The following NOTCH1 variants were observed in gnomAD, a reference collection of about 807,000 sequenced individuals.
The protein encoded by NOTCH1 is neurogenic locus notch homolog protein 1.
A neutral mutation model predicts 254.8 loss-of-function variants in NOTCH1; 37 were observed. The ratio of observed to expected loss-of-function variants is 0.15; its 90% CI spans 0.11 to 0.19. The LOEUF (loss-of-function observed/expected upper bound fraction) is 0.19, where lower values mean the gene tolerates loss of function less well. Among genes scored for constraint, NOTCH1 ranks in the 10% least tolerant of loss-of-function variants. The probability of loss-of-function intolerance (pLI) is 1.00; values close to 1 mark genes in which losing one functional copy is unlikely to be tolerated. For synonymous variants in NOTCH1, 1,731 were observed against 1,618.1 expected, an observed-to-expected ratio of 1.07 and a Z score of -1.68; for missense variants, 2,972 against 3,708.6, an observed-to-expected ratio of 0.80 and a Z score of 5.16.
Position 136,507,899 on chromosome 9 carries a change from T to C in NOTCH1, c.3510+56A>G, listed in dbSNP as rs1033307853. On this transcript the variant is annotated intron_variant, in intron 21 of 33. Coordinates refer to ENST00000651671, the MANE Select transcript of NOTCH1 (RefSeq NM_017617.5). ...ACTGGGCCAGCTCCCAGCCAGGGCC[T>C]GGTGTGTGGCAACACTCGTGCCGGC... 179 of 1,574,810 alleles carry C rather than the reference T, an allele frequency of 1.1e-4. 3 individuals are homozygous for C. Among genetic ancestry groups the C allele is most frequent in the South Asian group, 2.3e-4 (21 of 90,368 alleles).
rs1000318864 is a variant in NOTCH1 at position 136,540,337 on chromosome 9, T to C, written c.140+3687A>G. 6.6e-5 allele frequency among the ~76,000 whole-genome samples: 10 copies of C among 152,076 alleles called. No homozygotes were observed. The highest frequency in any genetic ancestry group is 1.5e-5 in the Non-Finnish European group (1 of 68,000). On this transcript the variant is annotated intron_variant, in intron 2 of 33. Transcript: ENST00000651671. The surrounding 1 kb of genome is among the most constrained non-coding windows in gnomAD (Gnocchi z 4.4). Reference sequence around the variant, plus strand: ...ACGTGTCTGTGAACTGGAGCCACCCTGGGAGATGGACTTCCCCGGAGCTGG... The same window carrying C: ...ACGTGTCTGTGAACTGGAGCCACCCCGGGAGATGGACTTCCCCGGAGCTGG...
chr9:136,505,589 G>A lies in NOTCH1; in HGVS notation c.4307C>T (p.Ala1436Val), dbSNP rs371303106. 43 of 1,610,520 alleles carry A rather than the reference G, an allele frequency of 2.7e-5. No individual in the cohort carries two copies. Among genetic ancestry groups the A allele is most frequent in the Non-Finnish European group, 3.4e-5 (40 of 1,178,938 alleles). Residue 1436 changes from alanine (A) to valine (V), a missense_variant, in exon 25 of 34, where the codon GCC becomes GTC. Ala to Val is a moderately conservative substitution (Grantham distance 64). Around this residue, in one of 8 missense-constraint regions of NOTCH1, gnomAD observed 1,343 missense variants for 1,557.0 expected, o/e 0.86. Transcript: ENST00000651671. ...CAGCGGCGGGGGGATGTCGCGCCCG[G>A]CCCCACCCCCGAAGCTGTAGTCCAG... ...HILDYSFGGG[A>V]GRDIPPPLIE...
At chr9:136,544,672 G>A (rs1422523877) in intron 1 of NOTCH1, among the ~76,000 whole-genome samples, 3 of 152,080 alleles carry the variant, frequency 2.0e-5, no homozygotes, top group African/African-American at 7.2e-5. Context: ...AATCAGAGCG[G>A]CCCATTGTGG....
In NOTCH1 at chr9:136,508,759, G is replaced by C. The variant is rs559456386; in HGVS notation, c.3171+111C>G. The C allele has an allele frequency of 3.5e-4, 391 of 1,125,076 alleles. No homozygotes were observed. The African/African-American group carries it at 4.7e-3, about 14-fold the overall frequency. The allele number at this position is 1,125,076 out of a possible 1,614,324, so 69.7% of individuals were successfully genotyped here. A position where few individuals can be genotyped will look rare whatever the true frequency, so the allele number is the denominator to read the frequency against. On this transcript the variant is annotated intron_variant, in intron 19 of 33. Coordinates refer to ENST00000651671, the MANE Select transcript of NOTCH1 (RefSeq NM_017617.5). ...AGAAACCCTCTGCCCGGGGGTGTGG[G>C]GGTGACCCCGAGCCGACACAGTGGG... is the stretch of plus-strand genomic sequence containing the variant.
chr9:136,519,375 G>A lies in NOTCH1; in HGVS notation c.865+68C>T, dbSNP rs543996073. 1,237 of 1,597,782 alleles carry A rather than the reference G, an allele frequency of 7.7e-4. 3 individuals carry two copies. The highest frequency in any genetic ancestry group is 9.6e-4 in the Non-Finnish European group (1,125 of 1,171,466). On this transcript the variant is annotated intron_variant, in intron 5 of 33. Coordinates refer to ENST00000651671, the MANE Select transcript of NOTCH1 (RefSeq NM_017617.5). ...CGGCTGCTCCCCGCTATGCCTGTGA[G>A]TGCAGTTTAGTAAGTGGGTAGCAGC...
In NOTCH1 at chr9:136,496,444, C is replaced by G. The variant is rs1286746812; in HGVS notation, c.7295G>C (p.Ser2432Thr). Residue 2432 changes from serine to threonine, a missense_variant, in exon 34 of 34, where the codon AGC becomes ACC. Physicochemically the swap from Ser to Thr is moderately conservative, Grantham distance 58. Around this residue, in one of 8 missense-constraint regions of NOTCH1, gnomAD observed 529 missense variants for 529.2 expected, o/e 1.00. Coordinates refer to ENST00000651671, the MANE Select transcript of NOTCH1 (RefSeq NM_017617.5). ...SSAASGHLGR[S>T]FLSGEPSQAD... ...CTGGCTCGGCTCTCCACTCAGGAAGCTCCGGCCCAGGTGGCCGCTGGCTGC... is the reference window on the plus strand; with the variant it reads ...CTGGCTCGGCTCTCCACTCAGGAAGGTCCGGCCCAGGTGGCCGCTGGCTGC... 2 of 1,600,172 alleles carry G rather than the reference C, an allele frequency of 1.2e-6. No homozygotes were observed. Among genetic ancestry groups the G allele is most frequent in the South Asian group, 1.1e-5 (1 of 91,078 alleles).
Position 136,503,248 on chromosome 9 carries a change from C to A in NOTCH1, c.5101G>T (p.Ala1701Ser), listed in dbSNP as rs1443819558. The A allele has an allele frequency of 1.2e-6, 2 of 1,612,734 alleles. No individual in the cohort carries two copies. Residue 1701 changes from alanine (A) to serine (S), a missense_variant, in exon 27 of 34, where the codon GCA (alanine) becomes TCA (serine). By Grantham distance (99) the Ala-to-Ser change is moderately conservative. Coordinates refer to ENST00000651671, the MANE Select transcript of NOTCH1 (RefSeq NM_017617.5). ...QCFQSATDVA[A>S]FLGALASLGS... ...AGCGAGGCGAGCGCTCCCAGGAATG[C>A]GGCCACGTCGGTGGCACTCTGGAAG...
intron 2 of NOTCH1, among the ~76,000 whole-genome samples, chr9:136,525,413 G>A (rs895069302): frequency 1.3e-5 from 2 of 152,048 alleles, no homozygotes; most frequent in African/African-American, 2.4e-5. Flanking sequence ...TCTGGGACCC[G>A]CCGGGCGCCG....
chr9:136,520,589 T>G (rs570531177), intron 4 of NOTCH1, among the ~76,000 whole-genome samples: 1 of 151,814 alleles, frequency 6.6e-6, no homozygotes, highest in Non-Finnish European at 1.5e-5. Flanking sequence ...ATACAAGAAG[T>G]AGCAAAGCGT....
intron 2 of NOTCH1, among the ~76,000 whole-genome samples, chr9:136,539,863 G>A (rs1041257998): frequency 1.3e-5 from 2 of 152,018 alleles, no homozygotes; most frequent in Non-Finnish European, 2.9e-5. Flanking sequence ...CAGCCTCCCA[G>A]GCCGGCTGCA....
chr9:136,505,847 C>A lies in NOTCH1; in HGVS notation c.4049G>T (p.Arg1350Leu), dbSNP rs150343794. Residue 1350 changes from arginine (R) to leucine (L), a missense_variant, in exon 25 of 34, where the codon CGT becomes CTT. By Grantham distance (102) the Arg-to-Leu change is moderately radical. Around this residue, in one of 8 missense-constraint regions of NOTCH1, gnomAD observed 1,343 missense variants for 1,557.0 expected, o/e 0.86. Coordinates refer to ENST00000651671, the MANE Select transcript of NOTCH1 (RefSeq NM_017617.5). ...GAGGCAGCGCAGGCTGCCGCAGGTA[C>A]GAGCGTCATTCTCACACGTGGCGCC... is the stretch of plus-strand genomic sequence containing the variant. ...FEGATCENDA[R>L]TCGSLRCLNG... The A allele has an allele frequency of 9.6e-4, 1,534 of 1,594,958 alleles. No individual in the cohort carries two copies. Among genetic ancestry groups the A allele is most frequent in the Non-Finnish European group, 1.2e-3 (1,392 of 1,177,718 alleles).
Position 136,517,765 on chromosome 9 carries a change from G to A in NOTCH1, c.1428C>T (p.Cys476=), listed in dbSNP as rs780017929. ...TCLDQIGEFQ[C]ICMPGYEGVH... is the part of the protein sequence containing the mutation. ...CGGCCGACGCACCGGGCATGCAGATGCACTGGAACTCCCCAATCTGGTCCA... is the reference window on the plus strand; with the variant it reads ...CGGCCGACGCACCGGGCATGCAGATACACTGGAACTCCCCAATCTGGTCCA... Residue 476 remains cysteine, a synonymous_variant, in exon 8 of 34, where the codon TGC becomes TGT. Transcript: ENST00000651671. 1.2e-6 allele frequency: 2 copies of A among 1,612,676 alleles called. No homozygotes were observed. The highest frequency in any genetic ancestry group is 1.7e-6 in the Non-Finnish European group (2 of 1,179,904).
chr9:136,535,368 G>A (rs1843629342), intron 2 of NOTCH1, among the ~76,000 whole-genome samples: 5 of 151,990 alleles, frequency 3.3e-5, no homozygotes, highest in Admixed American at 2.0e-4. Flanking sequence ...ACGGCAGGAC[G>A]CCCCCAGCCC....
At chr9:136,511,471 G>A (rs1221788572) in intron 15 of NOTCH1, among the ~76,000 whole-genome samples, 200 bp from the exon 16 acceptor site, 2 of 152,178 alleles carry the variant, frequency 1.3e-5, no homozygotes, top group Non-Finnish European at 2.9e-5. Flanking sequence ...ATGGGGGGAC[G>A]CTGAAGACAA....
rs750972827 is a variant in NOTCH1, at chr9:136,496,050, G to A, written c.*21C>T. On this transcript the variant is annotated 3_prime_UTR_variant, in exon 34 of 34. Coordinates refer to ENST00000651671, the MANE Select transcript of NOTCH1 (RefSeq NM_017617.5). The stretch of plus-strand genomic sequence containing the variant: ...CCCGAAGGCTTGGGAAAGGAAGCCG[G>A]GGTCTCGTGGGGCGCGCCGTTTACT... 6 of 1,588,388 alleles carry A rather than the reference G, an allele frequency of 3.8e-6. No homozygotes were observed. In the East Asian group the frequency reaches 9.0e-5, roughly 24 times the overall value.
In NOTCH1 at chr9:136,495,993, C is replaced by T. The variant is rs1318003603; in HGVS notation, c.*78G>A. On this transcript the variant is annotated 3_prime_UTR_variant, in exon 34 of 34. Coordinates refer to ENST00000651671, the MANE Select transcript of NOTCH1 (RefSeq NM_017617.5). ...TGTGTTTTAAAAAGGCTCCTCTGGT[C>T]GGCCCTGGCATCCACAGAGCGCACA... 5 of 1,464,688 alleles carry T rather than the reference C, an allele frequency of 3.4e-6. No homozygotes were observed. The highest frequency in any genetic ancestry group is 1.2e-5 in the South Asian group (1 of 81,790). 90.7% of individuals were successfully genotyped at this position (1,464,688 alleles called of 1,614,324 possible). A position where few individuals can be genotyped will look rare whatever the true frequency, so the allele number is the denominator to read the frequency against.
At chr9:136,511,098 C>G in intron 16 of NOTCH1, 54 bp downstream of exon 16, 11 of 1,612,068 alleles carry the variant, frequency 6.8e-6, no homozygotes, top group Non-Finnish European at 9.3e-6. Context: ...GCCTGTGTCC[C>G]GCAGACATCC....
chr9:136,498,344 C>T (rs1048288468), intron 33 of NOTCH1, among the ~76,000 whole-genome samples: 1 of 151,068 alleles, frequency 6.6e-6, no homozygotes, highest in Non-Finnish European at 1.5e-5. Context: ...GCTGCAGGGC[C>T]AGGATGAGGG....
At position 136,500,648 on chromosome 9, in the gene NOTCH1, G is replaced by A. The variant is rs2133325902; in HGVS notation, c.5838C>T (p.Arg1946=). 1 of 1,611,872 alleles carries A rather than the reference G, an allele frequency of 6.2e-7. No individual in the cohort carries two copies. The highest frequency in any genetic ancestry group is 8.5e-7 in the Non-Finnish European group (1 of 1,179,894). ...ARYSRSDAAK[R]LLEASADANI... is the part of the protein sequence containing the mutation. ...TGGCATCTGCGCTGGCCTCCAGCAG[G>A]CGCTTGGCGGCATCAGAGCGTGAGT... Residue 1946 remains arginine (R), a synonymous_variant, in exon 31 of 34, where the codon CGC becomes CGT. Transcript: ENST00000651671.
Sources: allele counts gnomAD v4.1 joint callset (sites outside exome capture counted in the v4.1 genomes callset), GRCh38; gene constraint gnomAD v4.1.1; regional missense constraint gnomAD v4.1.1; non-coding constraint Gnocchi (gnomAD v3.1); transcripts MANE v1.5; gene names NCBI Gene and HGNC (gene_info 2026-07-23, HGNC 2026-07-21).